The following ARID1B variants were observed in gnomAD, a reference collection of about 807,000 sequenced individuals.
ARID1B encodes AT-rich interactive domain-containing protein 1B.
Under a neutral mutation model 212.3 loss-of-function variants are expected in ARID1B, and 30 were observed. That is an observed-to-expected ratio of 0.14 (90% CI 0.11 to 0.19). The LOEUF (loss-of-function observed/expected upper bound fraction) is 0.19, where lower values mean the gene tolerates loss of function less well. Ranked by LOEUF, ARID1B falls within the 10% of genes least tolerant of loss-of-function variation. The pLI, the probability that ARID1B is intolerant of heterozygous loss-of-function variation, is 1.00. For synonymous variants in ARID1B, 1,402 were observed against 1,301.7 expected, an observed-to-expected ratio of 1.08 and a Z score of -1.66; for missense variants, 2,891 against 3,204.0, an observed-to-expected ratio of 0.90 and a Z score of 2.36.
At chr6:156,813,128 G>A (rs1343732911) in intron 1 of ARID1B, among the ~76,000 whole-genome samples, 3 of 140,932 alleles carry the variant, frequency 2.1e-5, no homozygotes, top group Non-Finnish European at 3.0e-5. Context: ...TTTTTGAGAC[G>A]GAGTCTCGCA....
chr6:156,889,879 C>T (rs974128743), intron 2 of ARID1B, among the ~76,000 whole-genome samples: 4 of 152,134 alleles, frequency 2.6e-5, no homozygotes, highest in Admixed American at 6.5e-5. Flanking sequence ...ATTTGTTAAT[C>T]AAATTCTGTG....
intron 4 of ARID1B, among the ~76,000 whole-genome samples, chr6:156,971,963 C>T (rs184995976): frequency 6.6e-6 from 1 of 152,200 alleles, no homozygotes; most frequent in East Asian, 1.9e-4. Context: ...ACTTGAGGCT[C>T]GAGCGCCCTA....
chr6:157,046,723 G>T (rs1049707761), intron 4 of ARID1B, among the ~76,000 whole-genome samples: 16 of 152,148 alleles, frequency 1.1e-4, no homozygotes, highest in Admixed American at 5.9e-4. Flanking sequence ...GTGAAGCCAG[G>T]CAAAAATTTT....
chr6:157,142,222 T>C (rs1028651431), intron 7 of ARID1B, among the ~76,000 whole-genome samples: 4 of 152,180 alleles, frequency 2.6e-5, no homozygotes, highest in African/African-American at 7.2e-5. Context: ...GGTTGACTTA[T>C]AGAAGGGGAA....
chr6:157,111,378 A>G (rs1786909897), intron 6 of ARID1B: 1 of 152,146 alleles, frequency 6.6e-6, no homozygotes, highest in Non-Finnish European at 1.5e-5. Context: ...AGGTACAAGA[A>G]GCCTACCTGT....
intron 6 of ARID1B, among the ~76,000 whole-genome samples, chr6:157,132,165 G>C (rs1788595456): frequency 6.6e-6 from 1 of 152,204 alleles, no homozygotes; most frequent in Admixed American, 6.5e-5. Flanking sequence ...ACTGGGGCTG[G>C]CTTTGGTAGA....
At chr6:157,178,234 G>A (rs745624710) in intron 11 of ARID1B, among the ~76,000 whole-genome samples, 10 of 151,854 alleles carry the variant, frequency 6.6e-5, no homozygotes, top group Non-Finnish European at 1.5e-4. Flanking sequence ...TGTTCCAAGC[G>A]TTTCACACCC....
chr6:156,886,757 T>C (rs1787539957), intron 2 of ARID1B, among the ~76,000 whole-genome samples: 1 of 152,224 alleles, frequency 6.6e-6, no homozygotes, highest in South Asian at 2.1e-4. Context: ...TTCTTAATAA[T>C]GTGTAACTGT....
intron 1 of ARID1B, among the ~76,000 whole-genome samples, chr6:156,821,621 G>T (rs1782360892): frequency 1.3e-5 from 2 of 152,180 alleles, no homozygotes; most frequent in African/African-American, 4.8e-5. Context: ...CTGAATCTTT[G>T]AATCTTTGGT....
At chr6:157,106,458 G>A (rs1786492291) in intron 5 of ARID1B, among the ~76,000 whole-genome samples, 2 of 152,168 alleles carry the variant, frequency 1.3e-5, no homozygotes. Flanking sequence ...CTGGAGTGAG[G>A]TCCTGAGATT....
Position 157,207,756 on chromosome 6 carries a change from G to A in ARID1B, c.6984G>A (p.Met2328Ile). 1 of 1,579,894 alleles carries A rather than the reference G, an allele frequency of 6.3e-7. No individual in the cohort carries two copies. Among genetic ancestry groups the A allele is most frequent in the Non-Finnish European group, 8.6e-7 (1 of 1,158,544 alleles). Residue 2328 changes from methionine (M) to isoleucine (I), a missense_variant, in exon 20 of 20, where the codon ATG becomes ATA. Physicochemically the swap from Met to Ile is conservative, Grantham distance 10 (BLOSUM62 1). Coordinates refer to ENST00000636930, the MANE Select transcript of ARID1B (RefSeq NM_001374828.1). This position sits in a 1 kb window ranked among gnomAD's most constrained non-coding sequence, Gnocchi z 8.5. The stretch of plus-strand genomic sequence containing the variant: ...GGGCGGCCAAGGCTTTGCTAGCCAT[G>A]GCCAGAGTGGACGAAAACCGCTCGG... ...MCRAAKALLA[M>I]ARVDENRSEF...
At chr6:157,154,915 G>T (rs1278871134) in intron 8 of ARID1B, among the ~76,000 whole-genome samples, 1 of 151,880 alleles carries the variant, frequency 6.6e-6, no homozygotes, top group East Asian at 1.9e-4. Flanking sequence ...GTTTTGTTTT[G>T]TTTTGTTTTG....
At chr6:157,174,812 T>C in intron 10 of ARID1B, 35 bp from the exon 11 acceptor site, 2 of 1,460,662 alleles carry the variant, frequency 1.4e-6, no homozygotes, top group Non-Finnish European at 1.8e-6. Context: ...TGCCCTACCT[T>C]TGTCATTTTT....
In ARID1B at chr6:157,074,044, A is replaced by G. The variant is rs187941091; in HGVS notation, c.2248-10618A>G. Among the ~76,000 whole-genome samples, 53 of 152,294 alleles carry G rather than the reference A, an allele frequency of 3.5e-4. No homozygotes were observed. The East Asian group carries it at 0.01, about 29-fold the overall frequency. ...GGTTCCAGAGCCCGAATTCTATTGT[A>G]ATCATCCCCATCCCCCAAAACAAAA... On this transcript the variant is annotated intron_variant, in intron 4 of 19. Transcript: ENST00000636930.
intron 1 of ARID1B, among the ~76,000 whole-genome samples, chr6:156,813,765 C>A (rs1583088857): frequency 6.6e-6 from 1 of 152,166 alleles, no homozygotes; most frequent in Admixed American, 6.5e-5. Context: ...TTCATAAGAC[C>A]TTTCTCTCCA....
At chr6:157,083,647 A>G (rs574763980) in intron 4 of ARID1B, among the ~76,000 whole-genome samples, 36 of 152,158 alleles carry the variant, frequency 2.4e-4, no homozygotes, top group South Asian at 1.0e-3. Context: ...ATCTGTATCA[A>G]TGGGGTTTTT....
At chr6:157,153,783 G>A (rs1020363760) in intron 8 of ARID1B, among the ~76,000 whole-genome samples, 3 of 152,080 alleles carry the variant, frequency 2.0e-5, no homozygotes, top group East Asian at 3.9e-4. Flanking sequence ...CTACAGGCAC[G>A]TGCCACCATA....
chr6:157,002,478 C>G (rs945613996), intron 4 of ARID1B, among the ~76,000 whole-genome samples: 7 of 152,218 alleles, frequency 4.6e-5, no homozygotes, highest in Non-Finnish European at 8.8e-5. Context: ...CACAAACCTG[C>G]TTTGCATTTA....
chr6:156,783,519 A>C (rs549683566), intron 1 of ARID1B, among the ~76,000 whole-genome samples: 6 of 152,248 alleles, frequency 3.9e-5, no homozygotes, highest in African/African-American at 1.2e-4. Context: ...TTATTTCTTT[A>C]TGATTCTGGG....
Sources: allele counts gnomAD v4.1 joint callset (sites outside exome capture counted in the v4.1 genomes callset), GRCh38; gene constraint gnomAD v4.1.1; non-coding constraint Gnocchi (gnomAD v3.1); transcripts MANE v1.5; gene names NCBI Gene and HGNC (gene_info 2026-07-23, HGNC 2026-07-21).